SYNPR: variants seen among roughly 807,000 people sequenced by gnomAD.
SYNPR encodes synaptoporin.
SYNPR carries 23 observed loss-of-function variants against 32.9 expected under a neutral mutation model. The observed-to-expected ratio is 0.70, with a 90% confidence interval of 0.50 to 0.99. The LOEUF (loss-of-function observed/expected upper bound fraction) is 0.99, where lower values mean the gene tolerates loss of function less well. Ranked by LOEUF, SYNPR falls within the 50% of genes least tolerant of loss-of-function variation. The pLI is 0.00. For synonymous variants in SYNPR, 146 were observed against 135.9 expected (o/e 1.07, Z -0.52); for missense variants, 318 against 349.3 (o/e 0.91, Z 0.71).
intron 2 of SYNPR, among the ~76,000 whole-genome samples, chr3:63,256,354 A>T (rs140945564): frequency 0.055 from 8,419 of 152,116 alleles, 301 homozygotes; most frequent in Middle Eastern, 0.088. Flanking sequence ...ATGGCCGGGT[A>T]CTCCTCTGAG....
the SYNPR span, among the ~76,000 whole-genome samples, chr3:63,220,222 T>C: frequency 1.3e-5 from 2 of 152,182 alleles, no homozygotes; most frequent in African/African-American, 2.4e-5. Context: ...TGACAAAACA[T>C]AGGACTCAAA....
At chr3:63,352,414 A>G (rs2087522272) in intron 2 of SYNPR, among the ~76,000 whole-genome samples, 1 of 152,152 alleles carries the variant, frequency 6.6e-6, no homozygotes, top group South Asian at 2.1e-4. Context: ...ATAAAGCTCG[A>G]TGGTTCAGAT....
rs10530383 is a variant in SYNPR at position 63,586,654 on chromosome 3, A to ATGTGTGTGTGTGTGTG, written c.409-22457_409-22442dup. 2.6e-4 allele frequency among the ~76,000 whole-genome samples: 37 copies of ATGTGTGTGTGTGTGTG among 143,660 alleles called. No individual in the cohort carries two copies. In the East Asian group the frequency reaches 6.0e-3, roughly 23 times the overall value. The allele number at this position is 143,660 out of a possible 152,430, so 94.2% of individuals were successfully genotyped here. On this transcript the variant is annotated intron_variant, in intron 4 of 5. Transcript: ENST00000478300. ...TCTTCCCTTTCTTCTTGCAGATTCA[A>ATGTGTGTGTGTGTGTG]TGTGTGTGTGTGTGTGTGTGTGTGT...
chr3:63,383,430 G>T (rs2087998881), intron 2 of SYNPR, among the ~76,000 whole-genome samples: 1 of 152,068 alleles, frequency 6.6e-6, no homozygotes. Flanking sequence ...AATAAAAGAG[G>T]CCAGGACCAG....
intron 2 of SYNPR, among the ~76,000 whole-genome samples, chr3:63,399,995 T>C (rs181730644): frequency 5.3e-4 from 81 of 152,140 alleles, no homozygotes; most frequent in African/African-American, 1.8e-3. Flanking sequence ...GAAATGAGAG[T>C]CAAATGAAGC....
chr3:63,532,521 A>G (rs1490227744), intron 3 of SYNPR, among the ~76,000 whole-genome samples: 2 of 152,268 alleles, frequency 1.3e-5, no homozygotes, highest in Non-Finnish European at 2.9e-5. Flanking sequence ...ATAAAAGAAC[A>G]TAAAATGAGT....
intron 5 of SYNPR, among the ~76,000 whole-genome samples, chr3:63,611,493 C>CA (rs947702045): frequency 1.3e-5 from 2 of 152,120 alleles, no homozygotes; most frequent in African/African-American, 4.8e-5. Context: ...CTAGCTTATG[C>CA]AAAAACTGAA....
chr3:63,329,350 G>A (rs1489554871), intron 2 of SYNPR, among the ~76,000 whole-genome samples: 1 of 152,060 alleles, frequency 6.6e-6, no homozygotes, highest in East Asian at 1.9e-4. Flanking sequence ...ACACAGAGAG[G>A]TAACTACCCC....
intron 2 of SYNPR, among the ~76,000 whole-genome samples, chr3:63,419,202 G>C (rs1189235650): frequency 6.6e-6 from 1 of 152,180 alleles, no homozygotes; most frequent in East Asian, 1.9e-4. Context: ...CCCTGGATGT[G>C]GACTCAGCCC....
At chr3:63,244,890 C>T (rs1478129839) in intron 1 of SYNPR, among the ~76,000 whole-genome samples, 1 of 152,032 alleles carries the variant, frequency 6.6e-6, no homozygotes, top group Non-Finnish European at 1.5e-5. Context: ...TTCATTTTGC[C>T]TACAGAAAAT....
intron 4 of SYNPR, among the ~76,000 whole-genome samples, chr3:63,594,540 G>A (rs886819139): frequency 1.3e-5 from 2 of 152,130 alleles, no homozygotes; most frequent in Non-Finnish European, 2.9e-5. Context: ...AGACTGTGGA[G>A]CCAAACTCCC....
chr3:63,288,367 AT>A (rs1159773752), intron 2 of SYNPR, among the ~76,000 whole-genome samples: 1 of 152,196 alleles, frequency 6.6e-6, no homozygotes, highest in Non-Finnish European at 1.5e-5. Flanking sequence ...AAAGTAAATG[AT>A]TTTTAAACCA....
At chr3:63,501,841 G>C (rs17068845) in intron 3 of SYNPR, among the ~76,000 whole-genome samples, 32,319 of 152,066 alleles carry the variant, frequency 0.21, 3,823 homozygotes, top group African/African-American at 0.31. Context: ...GAACAGGAGA[G>C]ATTAGCCTAT....
chr3:63,452,188 A>T (rs1178603798), intron 2 of SYNPR: 1 of 666,326 alleles, frequency 1.5e-6, no homozygotes. Flanking sequence ...TCTATGTAAT[A>T]CTGAGCAGCC....
intron 2 of SYNPR, among the ~76,000 whole-genome samples, chr3:63,436,451 C>T (rs2887098): frequency 0.13 from 18,977 of 150,094 alleles, 1,398 homozygotes; most frequent in East Asian, 0.29. Context: ...TTTGTCCTTG[C>T]GATAGTTTGC....
chr3:63,587,512 G>T (rs1461390232), intron 4 of SYNPR, among the ~76,000 whole-genome samples: 4 of 152,038 alleles, frequency 2.6e-5, no homozygotes, highest in African/African-American at 9.7e-5. Flanking sequence ...AGGAGTATTT[G>T]ACAGCCTGAA....
chr3:63,352,305 G>A (rs751634888), intron 2 of SYNPR, among the ~76,000 whole-genome samples: 1 of 151,984 alleles, frequency 6.6e-6, no homozygotes, highest in South Asian at 2.1e-4. Context: ...CCCAGTTCTC[G>A]AAGTGAATAA....
chr3:63,512,699 T>C (rs960821626), intron 3 of SYNPR, among the ~76,000 whole-genome samples: 20 of 152,150 alleles, frequency 1.3e-4, no homozygotes, highest in African/African-American at 4.8e-4. Context: ...CTCTGGAAGC[T>C]GCAAAAGGCA....
At chr3:63,613,078 T>C (rs1431293118) in intron 5 of SYNPR, among the ~76,000 whole-genome samples, 2 of 151,988 alleles carry the variant, frequency 1.3e-5, no homozygotes, top group African/African-American at 4.8e-5. Context: ...GCTCAAGGGA[T>C]ACTGCTGCCT....
Sources: gnomAD v4.1 joint callset for allele counts (sites outside exome capture counted in the v4.1 genomes callset) on GRCh38, gnomAD v4.1.1 for gene constraint, MANE v1.5 for transcripts, NCBI Gene and HGNC (gene_info 2026-07-23, HGNC 2026-07-21) for gene names.